CSRNP3: variants seen among roughly 807,000 people sequenced by gnomAD.
The protein encoded by CSRNP3 is cysteine and serine rich nuclear protein 3.
In CSRNP3, 12 loss-of-function variants were observed where a neutral mutation model predicts 48.0. The ratio of observed to expected loss-of-function variants is 0.25; its 90% confidence interval spans 0.16 to 0.41. The LOEUF is 0.41. Ranked by LOEUF, CSRNP3 falls within the 10% of genes least tolerant of loss-of-function variation. The pLI, the probability that CSRNP3 is intolerant of heterozygous loss-of-function variation, is 1.00. For synonymous variants in CSRNP3, 263 were observed against 269.7 expected, an observed-to-expected ratio of 0.98 and a Z score of 0.24; for missense variants, 580 against 724.4, an observed-to-expected ratio of 0.80 and a Z score of 2.29.
At chr2:165,484,432 C>A (rs1020542280) in intron 1 of CSRNP3, among the ~76,000 whole-genome samples, 2 of 152,030 alleles carry the variant, frequency 1.3e-5, no homozygotes, top group African/African-American at 2.4e-5. Flanking sequence ...GACTTGTGAG[C>A]GGATCTGGGA....
chr2:165,546,202 T>C (rs1327587834), intron 3 of CSRNP3, among the ~76,000 whole-genome samples: 1 of 152,086 alleles, frequency 6.6e-6, no homozygotes, highest in East Asian at 1.9e-4. Context: ...TTTTGTTTTA[T>C]TTTGTTTGAG....
chr2:165,473,930 G>A (rs1485713739), intron 1 of CSRNP3, among the ~76,000 whole-genome samples: 1 of 150,368 alleles, frequency 6.7e-6, no homozygotes, highest in Non-Finnish European at 1.5e-5. Flanking sequence ...ACTACGTATA[G>A]TAAGGAAATC....
chr2:165,563,184 A>T (rs1308145997), intron 3 of CSRNP3, among the ~76,000 whole-genome samples: 3 of 152,198 alleles, frequency 2.0e-5, no homozygotes, highest in African/African-American at 4.8e-5. Context: ...CAAACTAAAT[A>T]TGGCTGAGAA....
chr2:165,654,908 G>C (rs1307143006), intron 4 of CSRNP3, among the ~76,000 whole-genome samples: 2 of 152,232 alleles, frequency 1.3e-5, no homozygotes, highest in African/African-American at 2.4e-5. Flanking sequence ...GGGATTACAG[G>C]CGTCAGCCTC....
At chr2:165,513,056 G>A (rs1684529102) in intron 2 of CSRNP3, among the ~76,000 whole-genome samples, 1 of 151,824 alleles carries the variant, frequency 6.6e-6, no homozygotes, top group African/African-American at 2.4e-5. Context: ...AGTGAGCCGA[G>A]ATCCCACCAC....
intron 3 of CSRNP3, chr2:165,572,444 C>G (rs1220916749): frequency 6.6e-6 from 1 of 152,148 alleles, no homozygotes; most frequent in East Asian, 1.9e-4. Flanking sequence ...CAATAAAACA[C>G]AGGGCTGGGA....
intron 3 of CSRNP3, among the ~76,000 whole-genome samples, chr2:165,534,991 A>G (rs980101581): frequency 2.6e-5 from 4 of 151,818 alleles, no homozygotes; most frequent in Non-Finnish European, 5.9e-5. Flanking sequence ...ATAAAAAATT[A>G]TCAGATGAGA....
At chr2:165,492,146 C>T (rs578176918) in intron 1 of CSRNP3, among the ~76,000 whole-genome samples, 1 of 152,198 alleles carries the variant, frequency 6.6e-6, no homozygotes, top group South Asian at 2.1e-4. Flanking sequence ...ATTGTAACTG[C>T]TCATCGGAGC....
intron 1 of CSRNP3, among the ~76,000 whole-genome samples, chr2:165,471,752 G>C (rs891856624): frequency 2.0e-5 from 3 of 151,996 alleles, no homozygotes; most frequent in African/African-American, 7.2e-5. Flanking sequence ...GCCACTGGCA[G>C]ACGTCTGCAA....
chr2:165,540,102 C>A (rs563261099), intron 3 of CSRNP3, among the ~76,000 whole-genome samples: 1 of 152,204 alleles, frequency 6.6e-6, no homozygotes, highest in South Asian at 2.1e-4. Context: ...TATTACTATT[C>A]CTGGATAGCA....
intron 1 of CSRNP3, among the ~76,000 whole-genome samples, chr2:165,492,865 A>G (rs1684236599): frequency 6.6e-6 from 1 of 151,642 alleles, no homozygotes; most frequent in Admixed American, 6.6e-5. Flanking sequence ...GCCCTTAAAC[A>G]AATGACAGAC....
chr2:165,473,640 G>A (rs1217434195), intron 1 of CSRNP3, among the ~76,000 whole-genome samples: 1 of 152,128 alleles, frequency 6.6e-6, no homozygotes, highest in East Asian at 1.9e-4. Context: ...GTTCAAAGCA[G>A]CATTATTGCT....
chr2:165,651,838 T>G (rs1686916169), intron 4 of CSRNP3, among the ~76,000 whole-genome samples: 1 of 151,986 alleles, frequency 6.6e-6, no homozygotes, highest in African/African-American at 2.4e-5. Flanking sequence ...GTATTTTTAG[T>G]AGAGACAGGA....
At chr2:165,594,429 C>G (rs937192133) in intron 3 of CSRNP3, among the ~76,000 whole-genome samples, 6 of 152,174 alleles carry the variant, frequency 3.9e-5, no homozygotes, top group African/African-American at 1.4e-4. Context: ...ATTCTCTACC[C>G]ATAGGCCTTT....
At chr2:165,522,770 A>C (rs375604289) in intron 3 of CSRNP3, among the ~76,000 whole-genome samples, 4 of 152,010 alleles carry the variant, frequency 2.6e-5, no homozygotes, top group African/African-American at 9.7e-5. Context: ...GTTTGCTTGG[A>C]AACTAGCAGC....
chr2:165,483,749 A>G (rs1684078283), intron 1 of CSRNP3, among the ~76,000 whole-genome samples: 1 of 152,140 alleles, frequency 6.6e-6, no homozygotes, highest in Non-Finnish European at 1.5e-5. Context: ...TTTTGCTGTA[A>G]CCTCATGTGG....
chr2:165,649,637 A>T (rs1232676419), intron 4 of CSRNP3, among the ~76,000 whole-genome samples: 1 of 152,222 alleles, frequency 6.6e-6, no homozygotes, highest in Non-Finnish European at 1.5e-5. Context: ...ATTAGTCGTA[A>T]TACAGGGAAC....
chr2:165,518,777 A>G (rs1684613074), intron 3 of CSRNP3, among the ~76,000 whole-genome samples: 2 of 151,958 alleles, frequency 1.3e-5, no homozygotes, highest in Admixed American at 6.6e-5. Context: ...CAGTATCTGT[A>G]TCTATTTCTC....
intron 3 of CSRNP3, among the ~76,000 whole-genome samples, chr2:165,530,815 T>A (rs1395204922): frequency 6.6e-6 from 1 of 152,088 alleles, no homozygotes; most frequent in Admixed American, 6.5e-5. Context: ...CTCTAAGGCA[T>A]ACATTTCCTG....
Sources: gnomAD v4.1 joint callset for allele counts (sites outside exome capture counted in the v4.1 genomes callset) on GRCh38, gnomAD v4.1.1 for gene constraint, MANE v1.5 for transcripts, NCBI Gene and HGNC (gene_info 2026-07-23, HGNC 2026-07-21) for gene names.